FAM200B: variants seen among roughly 807,000 people sequenced by gnomAD.
The protein encoded by FAM200B is zinc finger BED-type containing 11, also known as protein FAM200B.
In FAM200B, 32 loss-of-function variants were observed where a neutral mutation model predicts 33.1. The ratio of observed to expected loss-of-function variants is 0.97; its 90% CI spans 0.73 to 1.30. The LOEUF is 1.30. Ranked by LOEUF, FAM200B falls within the 50% of genes most tolerant of loss-of-function variation. FAM200B has a pLI of 0.00. For synonymous variants in FAM200B, 240 were observed against 264.8 expected (o/e 0.91, Z 0.91); for missense variants, 741 against 754.0 (o/e 0.98, Z 0.20).
chr4:15,650,759 A>G, the FAM200B span, among the ~76,000 whole-genome samples: 2 of 139,564 alleles, frequency 1.4e-5, no homozygotes, highest in South Asian at 2.2e-4. Context: ...TAGCCTCCTG[A>G]GTAGCTGGGA....
chr4:15,650,255 G>A, the FAM200B span, among the ~76,000 whole-genome samples: 1 of 152,190 alleles, frequency 6.6e-6, no homozygotes, highest in African/African-American at 2.4e-5. Context: ...GTTAAGAAAT[G>A]TTGCTCTAGA....
the FAM200B span, among the ~76,000 whole-genome samples, chr4:15,640,400 A>AAG: frequency 6.6e-6 from 1 of 151,456 alleles, no homozygotes; most frequent in Non-Finnish European, 1.5e-5. Context: ...ACTGAAAAAA[A>AAG]AAAAAAAAAA....
At position 15,681,874 on chromosome 4, in the gene FAM200B, C is replaced by G. The variant is rs1292505436; in HGVS notation, c.-770C>G. 1 of 153,158 alleles carries G rather than the reference C, an allele frequency of 6.5e-6. No individual in the cohort carries two copies. The highest frequency in any genetic ancestry group is 2.4e-5 in the African/African-American group (1 of 41,460). 9.5% of individuals were successfully genotyped at this position (153,158 alleles called of 1,614,324 possible). A position where few individuals can be genotyped will look rare whatever the true frequency, so the allele number is the denominator to read the frequency against. On this transcript the variant is annotated 5_prime_UTR_variant, in exon 1 of 2. Coordinates refer to ENST00000422728, the MANE Select transcript of FAM200B (RefSeq NM_001145191.2). ...GACCTGAGGCTTGCAGCGCTGGGCC[C>G]GGCCGGGTCGCTGCGGCTGGGCTGG... is the stretch of plus-strand genomic sequence containing the variant.
chr4:15,672,992 G>GA, the FAM200B span, among the ~76,000 whole-genome samples: 1 of 152,060 alleles, frequency 6.6e-6, no homozygotes, highest in African/African-American at 2.4e-5. Context: ...TCCACTTCCA[G>GA]ATTTTGTCAC....
At position 15,688,549 on chromosome 4, in the gene FAM200B, A is replaced by G. The variant is rs1719105970; in HGVS notation, c.1572A>G (p.Pro524=). 6.5e-7 allele frequency: 1 copy of G among 1,549,020 alleles called. No individual in the cohort carries two copies. Among genetic ancestry groups the G allele is most frequent in the Non-Finnish European group, 8.7e-7 (1 of 1,145,098 alleles). Residue 524 remains proline, a synonymous_variant, in exon 2 of 2, where the codon CCA becomes CCG. Transcript: ENST00000422728. Reference sequence around the variant, plus strand: ...CTCAAACTTTTAACCATTTCTTTCCAGAAGAAAAATTTGAAACATTAAGGG... The same window carrying G: ...CTCAAACTTTTAACCATTTCTTTCCGGAAGAAAAATTTGAAACATTAAGGG... ...SLSQTFNHFF[P]EEKFETLREN...
At chr4:15,642,825 A>T in the FAM200B span, among the ~76,000 whole-genome samples, 1 of 152,192 alleles carries the variant, frequency 6.6e-6, no homozygotes, top group South Asian at 2.1e-4. Context: ...AGCAGTTCAA[A>T]CCTAATCTGT....
the FAM200B span, among the ~76,000 whole-genome samples, chr4:15,668,180 G>A: frequency 6.6e-6 from 1 of 151,284 alleles, no homozygotes; most frequent in East Asian, 1.9e-4. Flanking sequence ...GCTACTGACA[G>A]AAGTATAAAG....
chr4:15,651,700 T>C, the FAM200B span, among the ~76,000 whole-genome samples: 2 of 152,252 alleles, frequency 1.3e-5, no homozygotes, highest in African/African-American at 4.8e-5. Context: ...TAAAATGTCC[T>C]ATCTGTATAA....
chr4:15,651,067 C>T, the FAM200B span, among the ~76,000 whole-genome samples: 1 of 152,150 alleles, frequency 6.6e-6, no homozygotes, highest in South Asian at 2.1e-4. Context: ...AACGGCATAA[C>T]AAAAACACAT....
At chr4:15,685,482 G>C (rs1286199499) in intron 1 of FAM200B, among the ~76,000 whole-genome samples, 1 of 152,094 alleles carries the variant, frequency 6.6e-6, no homozygotes, top group African/African-American at 2.4e-5. Flanking sequence ...CCTGGTAGCT[G>C]GTCTGGAGTG....
the FAM200B span, among the ~76,000 whole-genome samples, chr4:15,644,276 TACTGTATTC>T: frequency 6.6e-6 from 1 of 152,216 alleles, no homozygotes; most frequent in Non-Finnish European, 1.5e-5. Flanking sequence ...TACTTGTCCT[TACTGTATTC>T]ACCGTCGGGA....
At chr4:15,650,897 C>T in the FAM200B span, among the ~76,000 whole-genome samples, 7 of 152,124 alleles carry the variant, frequency 4.6e-5, no homozygotes, top group South Asian at 1.5e-3. Flanking sequence ...TCCCAAAGTG[C>T]TGGGATACAG....
chr4:15,646,461 GA>G, the FAM200B span, among the ~76,000 whole-genome samples: 703 of 132,868 alleles, frequency 5.3e-3, 5 homozygotes, highest in African/African-American at 0.016. Flanking sequence ...TCATTTTTTG[GA>G]AAAAAAAAAA....
At chr4:15,680,322 T>C (rs1219281821), upstream of FAM200B, among the ~76,000 whole-genome samples, 1 of 152,178 alleles carries the variant, frequency 6.6e-6, no homozygotes, top group Non-Finnish European at 1.5e-5. Context: ...TTTCTTTTCA[T>C]GTAGTTTGAG....
the FAM200B span, among the ~76,000 whole-genome samples, chr4:15,643,443 G>A: frequency 1.2e-4 from 18 of 152,318 alleles, no homozygotes; most frequent in Non-Finnish European, 2.2e-4. Context: ...TAAGAAGAAA[G>A]TCTCTCTACA....
chr4:15,687,960 T>G lies in FAM200B; in HGVS notation c.983T>G (p.Ile328Arg). The G allele has an allele frequency of 6.4e-7, 1 of 1,551,284 alleles. No homozygotes were observed. The highest frequency in any genetic ancestry group is 8.7e-7 in the Non-Finnish European group (1 of 1,146,698). Residue 328 changes from isoleucine (I) to arginine (R), a missense_variant, in exon 2 of 2, where the codon ATA becomes AGA. Physicochemically the swap from Ile to Arg is moderately conservative, Grantham distance 97 (BLOSUM62 -3). Coordinates refer to ENST00000422728, the MANE Select transcript of FAM200B (RefSeq NM_001145191.2). ...NNGAVWNHCFIHREGLASREI... is the reference protein window; with the variant it reads ...NNGAVWNHCFRHREGLASREI... ...GGTGCTGTGTGGAATCATTGTTTTA[T>G]ACATCGTGAAGGTTTAGCATCCAGA...
the FAM200B span, among the ~76,000 whole-genome samples, chr4:15,661,961 C>G: frequency 6.6e-6 from 1 of 152,206 alleles, no homozygotes; most frequent in Non-Finnish European, 1.5e-5. Flanking sequence ...ACATGGTACT[C>G]TCTATGGAGT....
At chr4:15,648,788 G>A in the FAM200B span, among the ~76,000 whole-genome samples, 1 of 152,112 alleles carries the variant, frequency 6.6e-6, no homozygotes, top group Non-Finnish European at 1.5e-5. Context: ...GGGATATAAG[G>A]TACAGTATGG....
At chr4:15,657,371 CTG>C in the FAM200B span, among the ~76,000 whole-genome samples, 1 of 152,330 alleles carries the variant, frequency 6.6e-6, no homozygotes, top group Non-Finnish European at 1.5e-5. Flanking sequence ...GTTCATAGCA[CTG>C]TGTAATTTCC....
Sources: gnomAD v4.1 joint callset for allele counts (sites outside exome capture counted in the v4.1 genomes callset) on GRCh38, gnomAD v4.1.1 for gene constraint, MANE v1.5 for transcripts, NCBI Gene and HGNC (gene_info 2026-07-23, HGNC 2026-07-21) for gene names.